SARS1: variants seen among roughly 807,000 people sequenced by gnomAD.
SARS1 encodes seryl-tRNA synthetase 1, also known as serine--tRNA ligase, cytoplasmic.
Under a neutral mutation model 63.7 loss-of-function variants are expected in SARS1, and 25 were observed. The observed-to-expected ratio is 0.39, with a 90% confidence interval of 0.29 to 0.55. The LOEUF (loss-of-function observed/expected upper bound fraction) is 0.55, where lower values mean the gene tolerates loss of function less well. Among genes scored for constraint, SARS1 ranks in the 20% least tolerant of loss-of-function variants. The pLI is 0.62. For synonymous variants in SARS1, 231 were observed against 243.5 expected, an observed-to-expected ratio of 0.95 and a Z score of 0.48; for missense variants, 417 against 649.7, an observed-to-expected ratio of 0.64 and a Z score of 3.89.
intron 5 of SARS1, 161 bp downstream of exon 5, chr1:109,231,182 C>A: frequency 7.9e-6 from 3 of 381,210 alleles, no homozygotes; most frequent in Non-Finnish European, 8.5e-6. Context: ...CAATTAGATG[C>A]AATTCTCTTT....
Position 109,213,953 on chromosome 1 carries a change from G to T in SARS1, c.-40G>T, listed in dbSNP as rs377386188. On this transcript the variant is annotated 5_prime_UTR_variant, in exon 1 of 11. Transcript: ENST00000234677. The stretch of plus-strand genomic sequence containing the variant: ...GGTCACAGGCTGAGTGCTGCGGCGC[G>T]ATCCTTGCTTCCCTGAGCGTTGGCC... 1.9e-6 allele frequency: 3 copies of T among 1,575,118 alleles called. No homozygotes were observed. The highest frequency in any genetic ancestry group is 1.8e-5 in the Admixed American group (1 of 56,104).
intron 6 of SARS1, among the ~76,000 whole-genome samples, chr1:109,234,601 A>G (rs959659000): frequency 6.6e-6 from 1 of 152,204 alleles, no homozygotes; most frequent in Non-Finnish European, 1.5e-5. Flanking sequence ...GTATGTGGCT[A>G]CCAGCACAGG....
At chr1:109,215,487 A>C in intron 1 of SARS1, 1 of 984,546 alleles carries the variant, frequency 1.0e-6, no homozygotes, top group Non-Finnish European at 1.2e-6. Context: ...TTATTCATAC[A>C]GTATATATGT....
At chr1:109,227,676 G>T (rs1191955850) in intron 2 of SARS1, among the ~76,000 whole-genome samples, 1 of 151,696 alleles carries the variant, frequency 6.6e-6, no homozygotes, top group Non-Finnish European at 1.5e-5. Context: ...CCAAGGTGGG[G>T]GATCACTTAA....
intron 1 of SARS1, 80 bp from the exon 2 acceptor site, chr1:109,223,898 C>T: frequency 1.9e-6 from 2 of 1,061,008 alleles, no homozygotes; most frequent in South Asian, 2.5e-5. Flanking sequence ...GAAATCAGTA[C>T]TAAGAAGTCA....
In SARS1 at chr1:109,237,938, C is replaced by G. The variant is rs753686534; in HGVS notation, c.*50C>G. The G allele has an allele frequency of 1.9e-6, 3 of 1,598,444 alleles. No individual in the cohort carries two copies. The highest frequency in any genetic ancestry group is 2.6e-6 in the Non-Finnish European group (3 of 1,170,494). The stretch of plus-strand genomic sequence containing the variant: ...GGCTTTCATTTCTGTCTGCTGAGAT[C>G]TCAGAGCCTGCCCAACAGCAGGGAA... On this transcript the variant is annotated 3_prime_UTR_variant, in exon 11 of 11. Coordinates refer to ENST00000234677, the MANE Select transcript of SARS1 (RefSeq NM_006513.4). The surrounding 1 kb of genome is among the most constrained non-coding windows in gnomAD (Gnocchi z 4.1).
intron 1 of SARS1, among the ~76,000 whole-genome samples, chr1:109,218,641 C>T (rs1175944810): frequency 1.3e-5 from 2 of 152,126 alleles, no homozygotes; most frequent in African/African-American, 4.8e-5. Flanking sequence ...CCACATAGGG[C>T]CTCCCGCTCT....
intron 6 of SARS1, among the ~76,000 whole-genome samples, chr1:109,232,072 C>T (rs1360033898): frequency 6.6e-6 from 1 of 152,190 alleles, no homozygotes; most frequent in Non-Finnish European, 1.5e-5. Context: ...CTAAATCAAG[C>T]ATACTTGAAC....
rs1237910113 is a variant in SARS1 at position 109,235,257 on chromosome 1, G to A, written c.795G>A (p.Glu265=). The change falls in exon 7 of 11, where the codon GAG becomes GAA. Residue 265 remains glutamate (E), a synonymous_variant. Transcript: ENST00000234677. This position sits in a 1 kb window ranked among gnomAD's most constrained non-coding sequence, Gnocchi z 4.7. ...AGTCTGATGACAACTCCTATGATGA[G>A]AAGTACCTGATTGCCACCTCAGAGC... ...SEKSDDNSYD[E]KYLIATSEQP... The A allele has an allele frequency of 6.2e-7, 1 of 1,614,034 alleles. No individual in the cohort carries two copies. The highest frequency in any genetic ancestry group is 1.3e-5 in the African/African-American group (1 of 74,912).
rs1425754045 is a variant in SARS1 at position 109,228,404 on chromosome 1, T to G, written c.260T>G (p.Phe87Cys). The change falls in exon 3 of 11, where the codon TTC becomes TGC. Residue 87 changes from phenylalanine (F) to cysteine (C), a missense_variant. By Grantham distance (205) the Phe-to-Cys change is radical (BLOSUM62 -2). Coordinates refer to ENST00000234677, the MANE Select transcript of SARS1 (RefSeq NM_006513.4). ...TCTGTCCCAGAGAATGTGCTGAGTT[T>G]CGATGACCTTACTGCAGACGCTTTA... is the stretch of plus-strand genomic sequence containing the variant. Reference protein sequence around the residue: ...DESVPENVLSFDDLTADALAN... With the variant: ...DESVPENVLSCDDLTADALAN... 6.2e-7 allele frequency: 1 copy of G among 1,613,638 alleles called. No individual in the cohort carries two copies. The highest frequency in any genetic ancestry group is 2.2e-5 in the East Asian group (1 of 44,874).
chr1:109,235,943 C>A lies in SARS1; in HGVS notation c.970-34C>A. The A allele has an allele frequency of 1.3e-6, 2 of 1,576,248 alleles. No homozygotes were observed. The highest frequency in any genetic ancestry group is 1.2e-5 in the South Asian group (1 of 83,890). On this transcript the variant is annotated intron_variant, in intron 7 of 10. Coordinates refer to ENST00000234677, the MANE Select transcript of SARS1 (RefSeq NM_006513.4). This position sits in a 1 kb window ranked among gnomAD's most constrained non-coding sequence, Gnocchi z 4.7. ...CTTCAGTCCTTTATTCACCCTATAC[C>A]GCTGTCACCGTTTCCTTGGGTCCCT...
chr1:109,230,106 C>T (rs372358055), intron 4 of SARS1, among the ~76,000 whole-genome samples: 19 of 151,930 alleles, frequency 1.3e-4, no homozygotes, highest in African/African-American at 3.6e-4. Flanking sequence ...GCACAGACCA[C>T]GAGACGACTC....
chr1:109,232,555 T>C (rs1004556271), intron 6 of SARS1, among the ~76,000 whole-genome samples: 1 of 152,200 alleles, frequency 6.6e-6, no homozygotes, highest in African/African-American at 2.4e-5. Flanking sequence ...CTAATTTATA[T>C]AGGGAGATAG....
chr1:109,223,632 C>T (rs560533831), intron 1 of SARS1, among the ~76,000 whole-genome samples: 4 of 152,220 alleles, frequency 2.6e-5, no homozygotes, highest in Middle Eastern at 3.4e-3. Flanking sequence ...GGTGAAACCC[C>T]GTCTCTTCCA....
intron 1 of SARS1, 135 bp from the exon 2 acceptor site, chr1:109,223,843 C>A: frequency 1.4e-6 from 1 of 691,580 alleles, no homozygotes; most frequent in Non-Finnish European, 2.6e-6. Context: ...TTTATAACTT[C>A]ATGAGGCAGA....
chr1:109,228,241 A>G, intron 2 of SARS1, 111 bp from the exon 3 acceptor site: 2 of 824,764 alleles, frequency 2.4e-6, no homozygotes, highest in Non-Finnish European at 3.7e-6. Flanking sequence ...AAATTTATGT[A>G]AGAAGTTCTG....
chr1:109,226,697 T>TACAC (rs369144830), intron 2 of SARS1, among the ~76,000 whole-genome samples: 17 of 104,148 alleles, frequency 1.6e-4, no homozygotes, highest in African/African-American at 6.1e-4. Flanking sequence ...TATATATATA[T>TACAC]ACACACACAC....
At chr1:109,226,711 C>T (rs1449774083) in intron 2 of SARS1, among the ~76,000 whole-genome samples, 13 of 48,848 alleles carry the variant, frequency 2.7e-4, no homozygotes, top group South Asian at 1.2e-3. Context: ...CACACACACA[C>T]ACACACACAC....
rs1655311361 is a variant in SARS1, at chr1:109,236,397, T to C, written c.1106T>C (p.Leu369Ser). The C allele has an allele frequency of 2.5e-6, 4 of 1,591,138 alleles. No homozygotes were observed. The highest frequency in any genetic ancestry group is 2.6e-6 in the Non-Finnish European group (3 of 1,162,076). Residue 369 changes from leucine (L) to serine (S), a missense_variant, in exon 9 of 11, where the codon TTG becomes TCG. Transcript: ENST00000234677. ...TAGGGGTTTTTCCTTACAGGTTCTTTGAATCATGCTGCCAGTAAGAAGCTT... is the reference window on the plus strand; with the variant it reads ...TAGGGGTTTTTCCTTACAGGTTCTTCGAATCATGCTGCCAGTAAGAAGCTT... The part of the protein sequence containing the change: ...YHIVNIVSGS[L>S]NHAASKKLDL...
Sources: allele counts gnomAD v4.1 joint callset (sites outside exome capture counted in the v4.1 genomes callset), GRCh38; gene constraint gnomAD v4.1.1; non-coding constraint Gnocchi (gnomAD v3.1); transcripts MANE v1.5; gene names NCBI Gene and HGNC (gene_info 2026-07-23, HGNC 2026-07-21).